The following TPX2 variants were observed in gnomAD, a reference collection of about 807,000 sequenced individuals.
TPX2 encodes targeting protein for Xklp2.
Under a neutral mutation model 93.6 loss-of-function variants are expected in TPX2, and 21 were observed. That is an observed-to-expected ratio of 0.22 (90% CI 0.16 to 0.32). The LOEUF is 0.32. TPX2 is among the 10% of genes least tolerant of loss of function. The pLI, the probability that TPX2 is intolerant of heterozygous loss-of-function variation, is 1.00. For missense variants in TPX2, 776 were observed against 871.1 expected (o/e 0.89, Z 1.37); for synonymous variants, 281 against 298.3 (o/e 0.94, Z 0.60).
chr20:31,757,353 C>A, intron 2 of TPX2, 54 bp from the exon 3 acceptor site: 2 of 770,570 alleles, frequency 2.6e-6, no homozygotes, highest in South Asian at 1.9e-5. Context: ...GTAGTAAAAC[C>A]AAAGTAATGA....
At chr20:31,764,082 CAT>C (rs762723320) in intron 4 of TPX2, among the ~76,000 whole-genome samples, 40 of 148,452 alleles carry the variant, frequency 2.7e-4, no homozygotes, top group African/African-American at 8.0e-4. Flanking sequence ...TACACACAAG[CAT>C]ATATATATGT....
At chr20:31,751,395 A>G (rs551750275) in intron 2 of TPX2, among the ~76,000 whole-genome samples, 1 of 152,186 alleles carries the variant, frequency 6.6e-6, no homozygotes, top group Admixed American at 6.5e-5. Flanking sequence ...AGATTTTCCC[A>G]TGTCTTCTAG....
intron 12 of TPX2, among the ~76,000 whole-genome samples, chr20:31,787,788 A>G (rs569651264): frequency 6.6e-6 from 1 of 152,350 alleles, no homozygotes; most frequent in Non-Finnish European, 1.5e-5. Context: ...GGAAGCAATC[A>G]GATACGCATT....
chr20:31,747,125 T>TG (rs556814879), intron 2 of TPX2, among the ~76,000 whole-genome samples: 91 of 152,208 alleles, frequency 6.0e-4, no homozygotes, highest in African/African-American at 2.1e-3. Context: ...GAGATTTTTT[T>TG]TTGTTGTTGT....
intron 2 of TPX2, among the ~76,000 whole-genome samples, chr20:31,756,272 A>G (rs1014162500): frequency 4.6e-5 from 7 of 152,208 alleles, no homozygotes; most frequent in African/African-American, 1.7e-4. Context: ...AAATTGGATG[A>G]TAAGTGTTAC....
At chr20:31,762,906 C>G (rs565542657) in intron 4 of TPX2, among the ~76,000 whole-genome samples, 38 of 152,138 alleles carry the variant, frequency 2.5e-4, no homozygotes, top group Non-Finnish European at 4.7e-4. Context: ...CCTCCCAAAG[C>G]TAGCACCATT....
chr20:31,781,084 T>C, intron 10 of TPX2: 1 of 187,756 alleles, frequency 5.3e-6, no homozygotes, highest in Non-Finnish European at 1.1e-5. Flanking sequence ...CCACCATGCT[T>C]ACCTAATTTT....
intron 5 of TPX2, 72 bp from the exon 6 acceptor site, chr20:31,770,271 C>T: frequency 8.9e-7 from 1 of 1,118,976 alleles, no homozygotes; most frequent in African/African-American, 1.6e-5. Flanking sequence ...CATCCTTTCA[C>T]ATTTCTCAGG....
intron 2 of TPX2, among the ~76,000 whole-genome samples, chr20:31,748,505 T>C (rs1024155897): frequency 6.6e-6 from 1 of 152,232 alleles, no homozygotes; most frequent in African/African-American, 2.4e-5. Context: ...ACAGGATTTG[T>C]AATTTGCTAA....
At chr20:31,774,664 C>T (rs368949339) in intron 7 of TPX2, among the ~76,000 whole-genome samples, 1 of 152,202 alleles carries the variant, frequency 6.6e-6, no homozygotes, top group Non-Finnish European at 1.5e-5. Context: ...AATGAAATGA[C>T]AGGGTTGGGA....
At chr20:31,773,637 C>T (rs1417468745) in intron 7 of TPX2, among the ~76,000 whole-genome samples, 2 of 152,102 alleles carry the variant, frequency 1.3e-5, no homozygotes, top group Non-Finnish European at 2.9e-5. Context: ...CTTATTATCT[C>T]ATCTGCATTG....
intron 12 of TPX2, among the ~76,000 whole-genome samples, chr20:31,792,028 T>C (rs990559994): frequency 1.3e-5 from 2 of 152,246 alleles, no homozygotes; most frequent in African/African-American, 4.8e-5. Flanking sequence ...CCACAACGAT[T>C]TGAAATGTTA....
At chr20:31,755,607 C>T (rs988117113) in intron 2 of TPX2, among the ~76,000 whole-genome samples, 1 of 151,670 alleles carries the variant, frequency 6.6e-6, no homozygotes, top group African/African-American at 2.4e-5. Flanking sequence ...CTACTGAAAA[C>T]AAAAAATTAG....
In TPX2 at chr20:31,793,993, A is replaced by G; in HGVS notation, c.1655A>G (p.Glu552Gly). Residue 552 changes from glutamate to glycine, a missense_variant, in exon 14 of 18, where the codon GAG (glutamate) becomes GGG (glycine). Physicochemically the swap from Glu to Gly is moderately conservative, Grantham distance 98. Transcript: ENST00000300403. ...SRDKERQLQK[E>G]KKIKELQKGE... ...GACAAAGAACGTCAGTTACAGAAGG[A>G]GAAGAAAATAAAAGAACTGCAGAAA... 1.9e-6 allele frequency: 3 copies of G among 1,612,886 alleles called. No homozygotes were observed. Among genetic ancestry groups the G allele is most frequent in the Non-Finnish European group, 2.5e-6 (3 of 1,179,692 alleles).
intron 7 of TPX2, 64 bp from the exon 8 acceptor site, chr20:31,775,803 T>G (rs1163795439): frequency 7.2e-7 from 1 of 1,390,184 alleles, no homozygotes; most frequent in East Asian, 2.7e-5. Flanking sequence ...TGCCTGTAGA[T>G]TCTTTTGAGT....
At chr20:31,744,781 G>A (rs1012695463) in intron 2 of TPX2, among the ~76,000 whole-genome samples, 2 of 152,054 alleles carry the variant, frequency 1.3e-5, no homozygotes, top group Non-Finnish European at 2.9e-5. Context: ...TGAAATTGCT[G>A]GTCTAAAAGA....
In TPX2 at chr20:31,784,034, G is replaced by A; in HGVS notation, c.1413+113G>A. ...TGAGCAGGGCATCATATTAGGAACT[G>A]CAGGTGATAAAGAGACTTATCGGAA... On this transcript the variant is annotated intron_variant, in intron 12 of 17. Transcript: ENST00000300403. 4 of 1,144,830 alleles carry A rather than the reference G, an allele frequency of 3.5e-6. No individual in the cohort carries two copies. In the East Asian group the frequency reaches 9.8e-5, roughly 28 times the overall value. 70.9% of individuals were successfully genotyped at this position (1,144,830 alleles called of 1,614,324 possible).
At position 31,778,929 on chromosome 20, in the gene TPX2, C is replaced by A. The variant is rs370777481; in HGVS notation, c.999C>A (p.Asp333Glu). The A allele has an allele frequency of 6.2e-7, 1 of 1,610,250 alleles. No individual in the cohort carries two copies. The highest frequency in any genetic ancestry group is 8.5e-7 in the Non-Finnish European group (1 of 1,179,186). The change falls in exon 10 of 18, where the codon GAC becomes GAA. Residue 333 changes from aspartate to glutamate, a missense_variant. Physicochemically the swap from Asp to Glu is conservative, Grantham distance 45. Coordinates refer to ENST00000300403, the MANE Select transcript of TPX2 (RefSeq NM_012112.5). Reference protein sequence around the residue: ...TYVPLAQQVEDFHKRTPNRYH... With the variant: ...TYVPLAQQVEEFHKRTPNRYH... The stretch of plus-strand genomic sequence containing the variant: ...TGCCCCTTGCACAGCAAGTTGAAGA[C>A]TTCCATAAACGAACCCCTAACAGAT...
intron 6 of TPX2, among the ~76,000 whole-genome samples, chr20:31,770,693 T>A (rs11907631): frequency 6.6e-6 from 1 of 152,134 alleles, no homozygotes; most frequent in African/African-American, 2.4e-5. Context: ...CACATCTTAG[T>A]TGGCATAGGT....
Sources: allele counts gnomAD v4.1 joint callset (sites outside exome capture counted in the v4.1 genomes callset), GRCh38; gene constraint gnomAD v4.1.1; transcripts MANE v1.5; gene names NCBI Gene and HGNC (gene_info 2026-07-23, HGNC 2026-07-21).